TRPM2: variants seen among roughly 807,000 people sequenced by gnomAD.
The protein encoded by TRPM2 is estrogen-responsive element-associated gene 1 protein.
A neutral mutation model predicts 174.0 loss-of-function variants in TRPM2; 161 were observed. The ratio of observed to expected loss-of-function variants is 0.93; its 90% confidence interval spans 0.81 to 1.05. The LOEUF (loss-of-function observed/expected upper bound fraction) is 1.05. Among genes scored for constraint, TRPM2 ranks in the 50% least tolerant of loss-of-function variants. TRPM2 has a pLI of 0.00. For synonymous variants in TRPM2, 954 were observed against 861.3 expected (o/e 1.11, Z -1.88); for missense variants, 2,057 against 2,038.0 (o/e 1.01, Z -0.18).
intron 28 of TRPM2, among the ~76,000 whole-genome samples, chr21:44,436,004 C>G (rs996553502): frequency 4.6e-5 from 7 of 151,208 alleles, no homozygotes; most frequent in Non-Finnish European, 8.9e-5. Context: ...ACACTCACCC[C>G]CTCAGACCCT....
At chr21:44,355,863 C>G (rs1227304988) in intron 2 of TRPM2, among the ~76,000 whole-genome samples, 1 of 151,052 alleles carries the variant, frequency 6.6e-6, no homozygotes, top group East Asian at 2.0e-4. Flanking sequence ...CCCGGACACC[C>G]ACGGACACCA....
chr21:44,351,343 G>A (rs2047923751), upstream of TRPM2, among the ~76,000 whole-genome samples: 1 of 152,250 alleles, frequency 6.6e-6, no homozygotes, highest in African/African-American at 2.4e-5. Context: ...GGTAGGGAAT[G>A]CTGCCCCAAC....
intron 2 of TRPM2, among the ~76,000 whole-genome samples, chr21:44,357,573 G>A (rs2048094921): frequency 6.6e-6 from 1 of 152,208 alleles, no homozygotes; most frequent in Admixed American, 6.5e-5. Context: ...TAGCCGAGAA[G>A]CACGTGGCCA....
At chr21:44,414,118 G>A (rs368456968) in intron 20 of TRPM2, 44 bp downstream of exon 20, 24 of 1,584,504 alleles carry the variant, frequency 1.5e-5, no homozygotes, top group African/African-American at 1.1e-4. Flanking sequence ...GTGGGTGGGC[G>A]GCGTTCCTGG....
intron 2 of TRPM2, among the ~76,000 whole-genome samples, chr21:44,362,884 C>T (rs2048256241): frequency 6.6e-6 from 1 of 152,128 alleles, no homozygotes; most frequent in Admixed American, 6.5e-5. Flanking sequence ...AGCGAGTCTC[C>T]TGCCTCAGCG....
intron 27 of TRPM2, among the ~76,000 whole-genome samples, chr21:44,429,823 T>G (rs2050962984): frequency 6.6e-6 from 1 of 152,184 alleles, no homozygotes; most frequent in South Asian, 2.1e-4. Context: ...AATTCTTCAG[T>G]GTAATTTAGA....
In TRPM2 at chr21:44,379,046, GC is replaced by G. The variant is rs2048793869; in HGVS notation, c.1065del (p.Ser356ArgfsTer23). The G allele has an allele frequency of 6.2e-7, 1 of 1,610,280 alleles. No homozygotes were observed. The highest frequency in any genetic ancestry group is 1.7e-5 in the Admixed American group (1 of 59,988). On this transcript the variant is annotated frameshift_variant, in exon 8 of 32. Coordinates refer to ENST00000397928, the MANE Select transcript of TRPM2 (RefSeq NM_003307.4). LOFTEE classifies it high-confidence loss of function. ...TNGTPCVVVEGSGRVADVIAQ... is the reference protein window; with the variant it reads ...TNGTPCVVVEXSGRVADVIAQ... Reference sequence around the variant, plus strand: ...GGCACCCCCTGTGTGGTTGTGGAGGGCTCGGGCCGCGTGGCCGACGTCATTG... The same window carrying G: ...GGCACCCCCTGTGTGGTTGTGGAGGGTCGGGCCGCGTGGCCGACGTCATTG...
chr21:44,440,653 TG>T, intron 30 of TRPM2, 135 bp from the exon 31 acceptor site: 1 of 755,760 alleles, frequency 1.3e-6, no homozygotes, highest in Non-Finnish European at 2.3e-6. Context: ...TGGCGGGGGC[TG>T]GGGAGAGCTG....
At chr21:44,440,311 A>G (rs1193718237) in intron 30 of TRPM2, among the ~76,000 whole-genome samples, 5 of 6,120 alleles carry the variant, frequency 8.2e-4, no homozygotes, top group Non-Finnish European at 8.8e-4. Flanking sequence ...GCTCAAAAAA[A>G]AAAAAAAAAA....
chr21:44,353,715 C>T lies in TRPM2; in HGVS notation c.15C>T (p.Ala5=), dbSNP rs1431361290. The T allele has an allele frequency of 7.1e-6, 11 of 1,550,482 alleles. No homozygotes were observed. In the Admixed American group the frequency reaches 1.1e-4, roughly 15 times the overall value. MEPS[A]LRKAGSEQEE... is the part of the protein sequence containing the mutation. The stretch of plus-strand genomic sequence containing the variant: ...GGGGTCTCAGAATGGAGCCCTCAGC[C>T]CTGAGGAAAGCTGGCTCGGAGCAGG... The change falls in exon 1 of 32, where the codon GCC becomes GCT. Residue 5 remains alanine, a synonymous_variant. Transcript: ENST00000397928.
Position 44,399,465 on chromosome 21 carries a change from AG to A in TRPM2, c.2208+25del. The A allele has an allele frequency of 6.2e-7, 1 of 1,601,798 alleles. No individual in the cohort carries two copies. Among genetic ancestry groups the A allele is most frequent in the Non-Finnish European group, 8.5e-7 (1 of 1,173,730 alleles). ...AGGTGACCTCCCAAGAGCCCCTTCC[AG>A]AAACAGACGCCTGTGGTGCCTGCAG... is the stretch of plus-strand genomic sequence containing the variant. On this transcript the variant is annotated intron_variant, in intron 14 of 31. Transcript: ENST00000397928. This position sits in a 1 kb window ranked among gnomAD's most constrained non-coding sequence, Gnocchi z 4.6.
intron 19 of TRPM2, among the ~76,000 whole-genome samples, chr21:44,411,117 C>A (rs1384453615): frequency 6.6e-6 from 1 of 152,168 alleles, no homozygotes; most frequent in African/African-American, 2.4e-5. Context: ...AGTGTGAGTC[C>A]TAATTTGTTC....
In TRPM2 at chr21:44,439,482, C is replaced by T. The variant is rs957537380; in HGVS notation, c.4269+314C>T. On this transcript the variant is annotated intron_variant, in intron 30 of 31. Transcript: ENST00000397928. The surrounding 1 kb of genome is among the most constrained non-coding windows in gnomAD (Gnocchi z 5.1). ...TGACAGCTGCTTGGAGGCCTGGTGC[C>T]GCCCTCCTCCCCACATCCACCCTTG... is the stretch of plus-strand genomic sequence containing the variant. 4.6e-5 allele frequency among the ~76,000 whole-genome samples: 7 copies of T among 152,104 alleles called. No individual in the cohort carries two copies. The South Asian group carries it at 6.2e-4, about 14-fold the overall frequency.
At chr21:44,397,011 A>G (rs1312400389) in intron 12 of TRPM2, among the ~76,000 whole-genome samples, 1 of 150,332 alleles carries the variant, frequency 6.7e-6, no homozygotes, top group Non-Finnish European at 1.5e-5. Context: ...GGAGTTGGAG[A>G]ACAAAGAACT....
chr21:44,407,133 T>C (rs1555897604), intron 19 of TRPM2, among the ~76,000 whole-genome samples: 6 of 62,732 alleles, frequency 9.6e-5, no homozygotes, highest in South Asian at 7.1e-4. Flanking sequence ...AATAATTCAT[T>C]CCTCCCTTCC....
intron 25 of TRPM2, 45 bp from the exon 26 acceptor site, chr21:44,426,615 C>T: frequency 2.5e-6 from 4 of 1,598,010 alleles, no homozygotes; most frequent in Non-Finnish European, 2.6e-6. Flanking sequence ...CCCAGCTTTG[C>T]AGTGGGGGTA....
At position 44,438,109 on chromosome 21, in the gene TRPM2, C is replaced by T. The variant is rs1422445443; in HGVS notation, c.4167+942C>T. 2.6e-5 allele frequency among the ~76,000 whole-genome samples: 4 copies of T among 152,250 alleles called. No homozygotes were observed. The highest frequency in any genetic ancestry group is 6.5e-5 in the Admixed American group (1 of 15,288). On this transcript the variant is annotated intron_variant, in intron 29 of 31. Transcript: ENST00000397928. This position sits in a 1 kb window ranked among gnomAD's most constrained non-coding sequence, Gnocchi z 5.9. ...GGCCTCTGGGCAGGAACGGGGACTC[C>T]GGAGCCCAGGCCCAGCTGCTGGGTC...
intron 27 of TRPM2, among the ~76,000 whole-genome samples, chr21:44,427,405 C>T (rs965862892): frequency 1.3e-5 from 2 of 152,140 alleles, no homozygotes; most frequent in African/African-American, 2.4e-5. Context: ...TGGGAGAGGA[C>T]GATGCCTCAG....
Position 44,406,028 on chromosome 21 carries a change from G to A in TRPM2, c.2781G>A (p.Val927=). The A allele has an allele frequency of 2.5e-6, 4 of 1,606,608 alleles. No homozygotes were observed. The highest frequency in any genetic ancestry group is 3.4e-6 in the Non-Finnish European group (4 of 1,179,668). ...CGCTGGGGCCCAAGATCATCATTGT[G>A]AAGCGGATGGTAAGGGGGCGGGGGC... is the stretch of plus-strand genomic sequence containing the variant. The part of the protein sequence containing the change: ...SKTLGPKIII[V]KRMMKDVFFF... The change falls in exon 18 of 32, where the codon GTG becomes GTA. Residue 927 remains valine, a synonymous_variant. Coordinates refer to ENST00000397928, the MANE Select transcript of TRPM2 (RefSeq NM_003307.4).
Sources: gnomAD v4.1 joint callset for allele counts (sites outside exome capture counted in the v4.1 genomes callset) on GRCh38, gnomAD v4.1.1 for gene constraint, Gnocchi (gnomAD v3.1) non-coding constraint, MANE v1.5 for transcripts, NCBI Gene and HGNC (gene_info 2026-07-23, HGNC 2026-07-21) for gene names.